PTPRT: variants seen among roughly 807,000 people sequenced by gnomAD.
PTPRT encodes the protein receptor-type tyrosine-protein phosphatase T.
PTPRT carries 56 observed loss-of-function variants against 176.8 expected under a neutral mutation model. That is an observed-to-expected ratio of 0.32 (90% CI 0.26 to 0.40). PTPRT has a LOEUF of 0.40. Among genes scored for constraint, PTPRT ranks in the 10% least tolerant of loss-of-function variants. The pLI is 1.00. For synonymous variants in PTPRT, 783 were observed against 739.0 expected (o/e 1.06, Z -0.96); for missense variants, 1,540 against 1,908.2 (o/e 0.81, Z 3.60).
At chr20:42,387,243 C>T (rs929368980) in intron 9 of PTPRT, among the ~76,000 whole-genome samples, 3 of 152,184 alleles carry the variant, frequency 2.0e-5, no homozygotes, top group African/African-American at 7.2e-5. Flanking sequence ...TAATACGCTG[C>T]TTGGGTCAGT....
intron 1 of PTPRT, among the ~76,000 whole-genome samples, chr20:42,889,591 A>T (rs1036122029): frequency 1.3e-5 from 2 of 152,200 alleles, no homozygotes; most frequent in Non-Finnish European, 2.9e-5. Flanking sequence ...GAGTTTCTAG[A>T]AATGGGCTCC....
intron 2 of PTPRT, among the ~76,000 whole-genome samples, chr20:42,876,311 G>C (rs919876110): frequency 6.6e-6 from 1 of 152,080 alleles, no homozygotes; most frequent in South Asian, 2.1e-4. Context: ...ACACTTAAAG[G>C]CCCATACTTC....
At chr20:42,500,301 GC>G (rs1212929236) in intron 7 of PTPRT, among the ~76,000 whole-genome samples, 2 of 151,840 alleles carry the variant, frequency 1.3e-5, no homozygotes, top group Non-Finnish European at 2.9e-5. Context: ...AATCACATAA[GC>G]CTCTTTATGC....
chr20:42,380,553 C>T (rs6030183), intron 9 of PTPRT, among the ~76,000 whole-genome samples: 2,814 of 152,254 alleles, frequency 0.018, 86 homozygotes, highest in African/African-American at 0.063. Flanking sequence ...GGGCCCCAAT[C>T]GGAATGGGGA....
chr20:42,090,016 G>T (rs1337854858), intron 27 of PTPRT, among the ~76,000 whole-genome samples: 1 of 152,154 alleles, frequency 6.6e-6, no homozygotes, highest in South Asian at 2.1e-4. Context: ...ATGCATTGGG[G>T]TTTCTTCTTG....
chr20:42,260,259 C>G (rs771687503), intron 13 of PTPRT, among the ~76,000 whole-genome samples: 62 of 152,188 alleles, frequency 4.1e-4, no homozygotes, highest in Admixed American at 1.6e-3. Flanking sequence ...TTTCCCTCCC[C>G]ACCTTGACTC....
intron 16 of PTPRT, among the ~76,000 whole-genome samples, chr20:42,176,897 C>T (rs1341603246): frequency 1.3e-5 from 2 of 151,928 alleles, no homozygotes; most frequent in African/African-American, 4.9e-5. Flanking sequence ...TGGATAAAAG[C>T]TTCCTTTCTC....
At chr20:42,849,636 C>CATT (rs1468649062) in intron 2 of PTPRT, among the ~76,000 whole-genome samples, 1 of 152,182 alleles carries the variant, frequency 6.6e-6, no homozygotes, top group African/African-American at 2.4e-5. Context: ...AACCCAGCTC[C>CATT]ATTATTATTA....
intron 3 of PTPRT, among the ~76,000 whole-genome samples, chr20:42,790,807 G>A (rs1569158918): frequency 6.6e-6 from 1 of 152,008 alleles, no homozygotes; most frequent in Admixed American, 6.5e-5. Context: ...TTCCCCAGAG[G>A]GTGATCTTTT....
chr20:42,407,828 T>G (rs1298803566), intron 9 of PTPRT, among the ~76,000 whole-genome samples: 1 of 152,140 alleles, frequency 6.6e-6, no homozygotes, highest in East Asian at 1.9e-4. Flanking sequence ...CTAGAATCTA[T>G]CTAAGTACAT....
At chr20:42,838,506 T>C (rs1457855204) in intron 2 of PTPRT, among the ~76,000 whole-genome samples, 1 of 152,138 alleles carries the variant, frequency 6.6e-6, no homozygotes, top group Non-Finnish European at 1.5e-5. Context: ...CACTGGACAT[T>C]GGAGGACCAG....
At chr20:42,535,214 C>A (rs1219147244) in intron 7 of PTPRT, among the ~76,000 whole-genome samples, 1 of 152,076 alleles carries the variant, frequency 6.6e-6, no homozygotes, top group Non-Finnish European at 1.5e-5. Flanking sequence ...CTAAGTGAAC[C>A]AACACAGGAT....
chr20:42,422,527 T>C (rs1002161493), intron 9 of PTPRT, among the ~76,000 whole-genome samples: 1 of 152,194 alleles, frequency 6.6e-6, no homozygotes, highest in African/African-American at 2.4e-5. Context: ...GAATGGTTAC[T>C]ACTAAAAAGT....
At chr20:42,670,185 T>A (rs747710111) in intron 7 of PTPRT, among the ~76,000 whole-genome samples, 22 of 152,160 alleles carry the variant, frequency 1.4e-4, no homozygotes, top group Admixed American at 2.6e-4. Flanking sequence ...GGTTCTGACA[T>A]CCTTTCCCCA....
rs1438662626 is a variant in PTPRT at position 42,118,478 on chromosome 20, C to G, written c.2907G>C (p.Lys969Asn). 1 of 1,612,226 alleles carries G rather than the reference C, an allele frequency of 6.2e-7. No homozygotes were observed. The highest frequency in any genetic ancestry group is 2.2e-5 in the East Asian group (1 of 44,786). The change falls in exon 21 of 31, where the codon AAG becomes AAC. Residue 969 changes from lysine to asparagine, a missense_variant. By Grantham distance (94) the Lys-to-Asn change is moderately conservative (BLOSUM62 0). Around this residue, in one of 11 missense-constraint regions of PTPRT, gnomAD observed 248 missense variants for 356.7 expected, o/e 0.70. Transcript: ENST00000373187. ...ATQGPMQETV[K>N]DFWRMIWQEN... is the part of the protein sequence containing the mutation. Reference sequence around the variant, plus strand: ...CCTGCCAGATCATTCTCCAAAAGTCCTTTACAGTCTCCTGCATCGGACCTG... The same window carrying G: ...CCTGCCAGATCATTCTCCAAAAGTCGTTTACAGTCTCCTGCATCGGACCTG...
intron 7 of PTPRT, among the ~76,000 whole-genome samples, chr20:42,592,087 C>G (rs1275202954): frequency 6.8e-6 from 1 of 147,502 alleles, no homozygotes; most frequent in Non-Finnish European, 1.5e-5. Flanking sequence ...TCACGCCATT[C>G]TCCTGCCTCA....
At chr20:42,155,795 C>T (rs1484063059) in intron 17 of PTPRT, among the ~76,000 whole-genome samples, 1 of 152,102 alleles carries the variant, frequency 6.6e-6, no homozygotes, top group African/African-American at 2.4e-5. Flanking sequence ...GTTTGGGCAG[C>T]CCCATATTTT....
intron 16 of PTPRT, among the ~76,000 whole-genome samples, chr20:42,175,002 T>C (rs1029056583): frequency 6.6e-6 from 1 of 152,162 alleles, no homozygotes; most frequent in African/African-American, 2.4e-5. Flanking sequence ...TTTCTCTCCA[T>C]GGCCAGGATC....
intron 12 of PTPRT, among the ~76,000 whole-genome samples, chr20:42,302,330 G>C (rs1258576204): frequency 6.6e-6 from 1 of 152,162 alleles, no homozygotes; most frequent in South Asian, 2.1e-4. Flanking sequence ...TTTGATATCT[G>C]CCTCTCTCTG....
Sources: allele counts gnomAD v4.1 joint callset (sites outside exome capture counted in the v4.1 genomes callset), GRCh38; gene constraint gnomAD v4.1.1; regional missense constraint gnomAD v4.1.1; transcripts MANE v1.5; gene names NCBI Gene and HGNC (gene_info 2026-07-23, HGNC 2026-07-21).